The following POU6F2 variants were observed in gnomAD, a reference collection of about 807,000 sequenced individuals.
POU6F2 encodes POU domain, class 6, transcription factor 2.
In POU6F2, 31 loss-of-function variants were observed where a neutral mutation model predicts 71.3. That is an observed-to-expected ratio of 0.43 (90% CI 0.33 to 0.59). The LOEUF (loss-of-function observed/expected upper bound fraction) is 0.59. Ranked by LOEUF, POU6F2 falls within the 20% of genes least tolerant of loss-of-function variation. POU6F2 has a pLI of 0.04. For missense variants in POU6F2, 783 were observed against 856.8 expected, an observed-to-expected ratio of 0.91 and a Z score of 1.07; for synonymous variants, 347 against 355.7, an observed-to-expected ratio of 0.98 and a Z score of 0.27.
intron 5 of POU6F2, among the ~76,000 whole-genome samples, chr7:39,345,444 A>G (rs1306385498): frequency 2.0e-5 from 3 of 152,212 alleles, no homozygotes; most frequent in African/African-American, 7.2e-5. Context: ...TGCACAGTAG[A>G]AAAACAAATG....
chr7:39,109,745 A>G (rs1435865203), intron 2 of POU6F2, among the ~76,000 whole-genome samples: 2 of 152,210 alleles, frequency 1.3e-5, no homozygotes, highest in African/African-American at 4.8e-5. Context: ...AGCATTACTG[A>G]TGAAGTTATA....
At chr7:39,207,726 T>G in intron 4 of POU6F2, 106 bp downstream of exon 4, 1 of 1,092,706 alleles carries the variant, frequency 9.2e-7, no homozygotes, top group South Asian at 1.6e-5. Context: ...GGTTCAGAGT[T>G]GCTTCTGCCC....
At chr7:39,128,163 A>G (rs1792182218) in intron 2 of POU6F2, among the ~76,000 whole-genome samples, 1 of 152,126 alleles carries the variant, frequency 6.6e-6, no homozygotes. Context: ...TTTTGAGCTA[A>G]TATGTGACAA....
At chr7:39,189,077 G>A (rs1793604327) in intron 2 of POU6F2, among the ~76,000 whole-genome samples, 1 of 152,184 alleles carries the variant, frequency 6.6e-6, no homozygotes, top group Non-Finnish European at 1.5e-5. Flanking sequence ...AGAAAGAGAA[G>A]AGCAGCCCCT....
intron 5 of POU6F2, among the ~76,000 whole-genome samples, chr7:39,398,254 G>A (rs1411069237): frequency 1.3e-5 from 2 of 151,996 alleles, no homozygotes; most frequent in East Asian, 1.9e-4. Flanking sequence ...TTTAGAGAGC[G>A]GGAGAAAGAG....
At chr7:39,355,197 T>C (rs867159945) in intron 5 of POU6F2, among the ~76,000 whole-genome samples, 1 of 152,188 alleles carries the variant, frequency 6.6e-6, no homozygotes. Context: ...TGTGCCCAGA[T>C]TGGGGAAGGG....
At chr7:39,426,587 C>G (rs1195860428) in intron 6 of POU6F2, among the ~76,000 whole-genome samples, 2 of 152,064 alleles carry the variant, frequency 1.3e-5, no homozygotes, top group Non-Finnish European at 2.9e-5. Context: ...CCTCCCTCTT[C>G]TTCTTCTCTC....
chr7:39,158,884 G>A (rs1013436543), intron 2 of POU6F2, among the ~76,000 whole-genome samples: 9 of 151,970 alleles, frequency 5.9e-5, no homozygotes, highest in South Asian at 2.1e-4. Flanking sequence ...AAAATTAACC[G>A]TTGCAGGCTG....
At chr7:39,455,890 A>G (rs898481926) in intron 8 of POU6F2, among the ~76,000 whole-genome samples, 1 of 152,168 alleles carries the variant, frequency 6.6e-6, no homozygotes, top group Non-Finnish European at 1.5e-5. Context: ...CTTTCAGTCC[A>G]TGCATCCCAG....
At chr7:39,082,187 T>C (rs79372467) in intron 1 of POU6F2, among the ~76,000 whole-genome samples, 2,055 of 152,344 alleles carry the variant, frequency 0.013, 41 homozygotes, top group African/African-American at 0.046. Flanking sequence ...ATTTTTGTTG[T>C]GATTTTGCTA....
chr7:39,327,924 G>GT (rs1218133476), intron 4 of POU6F2, among the ~76,000 whole-genome samples: 22 of 151,826 alleles, frequency 1.4e-4, no homozygotes, highest in African/African-American at 4.8e-4. Flanking sequence ...AATGCTAATT[G>GT]GGTTTCTTTT....
chr7:39,175,271 T>G (rs576404997), intron 2 of POU6F2, among the ~76,000 whole-genome samples: 1 of 152,334 alleles, frequency 6.6e-6, no homozygotes, highest in South Asian at 2.1e-4. Flanking sequence ...ACTTCCAGCT[T>G]TCTACTAGAC....
At chr7:39,198,583 T>C (rs1414231307) in intron 2 of POU6F2, among the ~76,000 whole-genome samples, 1 of 152,230 alleles carries the variant, frequency 6.6e-6, no homozygotes, top group Non-Finnish European at 1.5e-5. Context: ...AATTTACAAG[T>C]ACCTGACAAT....
intron 1 of POU6F2, among the ~76,000 whole-genome samples, chr7:39,052,284 T>C (rs1278827390): frequency 6.6e-6 from 1 of 152,094 alleles, no homozygotes; most frequent in Non-Finnish European, 1.5e-5. Context: ...GAAATGATAG[T>C]AAAATGTCAT....
chr7:39,406,447 CG>C, intron 5 of POU6F2, 152 bp from the exon 6 acceptor site: 1 of 793,450 alleles, frequency 1.3e-6, no homozygotes, highest in Non-Finnish European at 2.0e-6. Flanking sequence ...CCAGAGCTTC[CG>C]GGGGAATGTT....
At chr7:39,414,721 C>A (rs952225706) in intron 6 of POU6F2, among the ~76,000 whole-genome samples, 1 of 149,752 alleles carries the variant, frequency 6.7e-6, no homozygotes, top group Non-Finnish European at 1.5e-5. Flanking sequence ...CGCCCCCCCA[C>A]CACATTTCTG....
rs952103134 is a variant in POU6F2, at chr7:39,221,421, C to T, written c.598+13801C>T. 2.4e-5 allele frequency among the ~76,000 whole-genome samples: 3 copies of T among 123,062 alleles called. No homozygotes were observed. The Admixed American group carries it at 3.0e-4, about 12-fold the overall frequency. The allele number at this position is 123,062 out of a possible 152,430, so 80.7% of individuals were successfully genotyped here. On this transcript the variant is annotated intron_variant, in intron 4 of 9. Transcript: ENST00000518318. The stretch of plus-strand genomic sequence containing the variant: ...TTTTTTTTTTTTTGAGACAGTGTCT[C>T]GCTCTGTCCTCCAGACTGGAGTGCG...
chr7:39,050,339 T>C (rs1351028370), intron 1 of POU6F2, among the ~76,000 whole-genome samples: 1 of 152,074 alleles, frequency 6.6e-6, no homozygotes, highest in East Asian at 1.9e-4. Context: ...TGGGTCTCTA[T>C]GTGGATTCAG....
chr7:38,983,169 A>C (rs17171506), intron 1 of POU6F2, among the ~76,000 whole-genome samples: 1 of 152,116 alleles, frequency 6.6e-6, no homozygotes, highest in African/African-American at 2.4e-5. Flanking sequence ...ATCAGACTTG[A>C]AGAAACAATG....
Sources: allele counts gnomAD v4.1 joint callset (sites outside exome capture counted in the v4.1 genomes callset), GRCh38; gene constraint gnomAD v4.1.1; transcripts MANE v1.5; gene names NCBI Gene and HGNC (gene_info 2026-07-23, HGNC 2026-07-21).